Variants in CHCHD6 observed in about 807,000 individuals in gnomAD.
CHCHD6 encodes coiled-coil-helix-coiled-coil-helix domain containing 6, also known as MICOS complex subunit MIC25.
A neutral mutation model predicts 32.3 loss-of-function variants in CHCHD6; 28 were observed. The ratio of observed to expected loss-of-function variants is 0.87; its 90% CI spans 0.64 to 1.19. CHCHD6 has a LOEUF of 1.19. Among genes scored for constraint, CHCHD6 ranks in the 50% most tolerant of loss-of-function variants. CHCHD6 has a pLI of 0.00. For missense variants in CHCHD6, 333 were observed against 307.0 expected, an observed-to-expected ratio of 1.08 and a Z score of -0.63; for synonymous variants, 122 against 117.5, an observed-to-expected ratio of 1.04 and a Z score of -0.25.
At chr3:126,894,718 G>A (rs1444516388) in intron 5 of CHCHD6, among the ~76,000 whole-genome samples, 2 of 152,204 alleles carry the variant, frequency 1.3e-5, no homozygotes, top group Non-Finnish European at 2.9e-5. Context: ...AAGGGGTGGT[G>A]TTGGGCACAT....
intron 4 of CHCHD6, among the ~76,000 whole-genome samples, chr3:126,739,627 T>C (rs1244520735): frequency 6.6e-6 from 1 of 152,260 alleles, no homozygotes; most frequent in African/African-American, 2.4e-5. Flanking sequence ...AGTCTTCTGA[T>C]ATGTAAAATG....
chr3:126,767,502 T>G (rs1041198692), intron 4 of CHCHD6: 8 of 552,704 alleles, frequency 1.4e-5, no homozygotes, highest in South Asian at 1.2e-4. Flanking sequence ...GCCTGTTAGG[T>G]GCTCTCTTTT....
intron 1 of CHCHD6, among the ~76,000 whole-genome samples, chr3:126,717,450 A>G (rs1935073665): frequency 1.3e-5 from 2 of 152,148 alleles, no homozygotes; most frequent in African/African-American, 2.4e-5. Flanking sequence ...CGAGGTGGCC[A>G]TGTGACTTAC....
chr3:126,879,485 C>T (rs776825819), intron 5 of CHCHD6, among the ~76,000 whole-genome samples: 10 of 152,154 alleles, frequency 6.6e-5, no homozygotes, highest in Non-Finnish European at 1.3e-4. Context: ...AATAAGAAAA[C>T]AATCTTTCAA....
chr3:126,845,071 G>A (rs780865378), intron 4 of CHCHD6, among the ~76,000 whole-genome samples: 5 of 152,298 alleles, frequency 3.3e-5, no homozygotes, highest in East Asian at 1.9e-4. Flanking sequence ...AAGAGAAGAC[G>A]TTTATATTGC....
chr3:126,750,272 A>G (rs959346904), intron 4 of CHCHD6, among the ~76,000 whole-genome samples: 1 of 152,002 alleles, frequency 6.6e-6, no homozygotes, highest in Admixed American at 6.6e-5. Context: ...GTCTTTGACT[A>G]TTTTCTCCTA....
chr3:126,753,824 G>A (rs1936835931), intron 4 of CHCHD6, among the ~76,000 whole-genome samples: 1 of 152,232 alleles, frequency 6.6e-6, no homozygotes, highest in South Asian at 2.1e-4. Context: ...GTGGGCACAT[G>A]CTGAGCCTTG....
chr3:126,957,695 G>A, intron 7 of CHCHD6, 144 bp downstream of exon 7: 1 of 1,026,762 alleles, frequency 9.7e-7, no homozygotes, highest in East Asian at 2.6e-5. Context: ...CCAAGGGAGG[G>A]ATTCTTCGCT....
At chr3:126,806,340 C>G (rs568664450) in intron 4 of CHCHD6, among the ~76,000 whole-genome samples, 13 of 152,088 alleles carry the variant, frequency 8.5e-5, no homozygotes, top group Middle Eastern at 3.4e-3. Context: ...ACAATGAACT[C>G]AAACAAATTT....
At chr3:126,766,482 C>G (rs1249695552) in intron 4 of CHCHD6, 2 of 730,314 alleles carry the variant, frequency 2.7e-6, no homozygotes, top group Non-Finnish European at 5.1e-6. Context: ...TCTTCTCTTT[C>G]TCGGTCTCAC....
chr3:126,859,527 T>C (rs1265324263), intron 5 of CHCHD6, among the ~76,000 whole-genome samples: 2 of 152,000 alleles, frequency 1.3e-5, no homozygotes, highest in Non-Finnish European at 2.9e-5. Flanking sequence ...AGACAGGGAG[T>C]TCTGTGTCCT....
chr3:126,710,580 CTTCA>C (rs1559797364), intron 1 of CHCHD6, among the ~76,000 whole-genome samples: 2 of 152,224 alleles, frequency 1.3e-5, no homozygotes, highest in East Asian at 1.9e-4. Flanking sequence ...CGAAATATCT[CTTCA>C]TTCATTAGAT....
chr3:126,829,085 A>C (rs1300775423), intron 4 of CHCHD6, among the ~76,000 whole-genome samples: 1 of 152,114 alleles, frequency 6.6e-6, no homozygotes, highest in African/African-American at 2.4e-5. Flanking sequence ...TAGATTTGGC[A>C]CCTTCTTTTC....
chr3:126,719,687 G>A (rs969618444), intron 1 of CHCHD6, among the ~76,000 whole-genome samples: 19 of 152,074 alleles, frequency 1.2e-4, no homozygotes, highest in Non-Finnish European at 8.8e-5. Context: ...CCTGCCATCC[G>A]AATGTGAGCT....
rs1300395605 is a variant in CHCHD6 at position 126,957,545 on chromosome 3, C to T, written c.696C>T (p.Ala232=). ...CATACCAGCGCTGCGTGAGCGCCGC[C>T]CACAAGGTAAGGCCTTGCCTGCCTC... ...VKAYQRCVSA[A]HKG The change falls in exon 7 of 8, where the codon GCC becomes GCT. Residue 232 remains alanine, a synonymous_variant. Coordinates refer to ENST00000290913, the MANE Select transcript of CHCHD6 (RefSeq NM_032343.3). The T allele has an allele frequency of 6.4e-7, 1 of 1,567,112 alleles. No homozygotes were observed. The highest frequency in any genetic ancestry group is 2.4e-5 in the East Asian group (1 of 41,800).
intron 4 of CHCHD6, among the ~76,000 whole-genome samples, chr3:126,795,480 G>A (rs1334387457): frequency 2.6e-5 from 4 of 152,188 alleles, no homozygotes; most frequent in African/African-American, 7.2e-5. Context: ...ATTGGGCATA[G>A]CAAATGTGTT....
intron 4 of CHCHD6, among the ~76,000 whole-genome samples, chr3:126,780,893 G>A (rs2107681002): frequency 6.6e-6 from 1 of 152,270 alleles, no homozygotes. Flanking sequence ...CTGAGCAGAT[G>A]GTGGCTTCCC....
At chr3:126,927,263 A>G (rs949351185) in intron 6 of CHCHD6, among the ~76,000 whole-genome samples, 1 of 152,210 alleles carries the variant, frequency 6.6e-6, no homozygotes, top group East Asian at 1.9e-4. Flanking sequence ...TGCGCTGAAC[A>G]TGAGCATCAG....
intron 5 of CHCHD6, among the ~76,000 whole-genome samples, chr3:126,862,798 TTCC>T (rs1941990180): frequency 4.3e-4 from 1 of 2,346 alleles, no homozygotes; most frequent in Non-Finnish European, 6.1e-4. Context: ...CATCACCACC[TTCC>T]CCTCTACCAC....
Sources: gnomAD v4.1 joint callset for allele counts (sites outside exome capture counted in the v4.1 genomes callset) on GRCh38, gnomAD v4.1.1 for gene constraint, MANE v1.5 for transcripts, NCBI Gene and HGNC (gene_info 2026-07-23, HGNC 2026-07-21) for gene names.